Variants in SEMA5A observed in about 807,000 individuals in gnomAD.
The protein encoded by SEMA5A is semaphorin-5A.
Under a neutral mutation model 135.5 loss-of-function variants are expected in SEMA5A, and 55 were observed. That is an observed-to-expected ratio of 0.41 (90% CI 0.33 to 0.51). SEMA5A has a LOEUF of 0.51. Ranked by LOEUF, SEMA5A falls within the 20% of genes least tolerant of loss-of-function variation. SEMA5A has a pLI of 0.37. For missense variants in SEMA5A, 1,290 were observed against 1,419.9 expected, an observed-to-expected ratio of 0.91 and a Z score of 1.47; for synonymous variants, 580 against 546.5, an observed-to-expected ratio of 1.06 and a Z score of -0.85.
intron 2 of SEMA5A, among the ~76,000 whole-genome samples, chr5:9,393,141 G>C (rs1204804358): frequency 1.3e-5 from 2 of 152,160 alleles, no homozygotes; most frequent in Admixed American, 6.5e-5. Context: ...CTCCATGGTG[G>C]AAAAGTAACC....
At chr5:9,202,784 T>C (rs768675185) in intron 8 of SEMA5A, among the ~76,000 whole-genome samples, 5 of 152,174 alleles carry the variant, frequency 3.3e-5, no homozygotes, top group Non-Finnish European at 5.9e-5. Flanking sequence ...AAATAAAGAC[T>C]AAAACTATAA....
intron 11 of SEMA5A, among the ~76,000 whole-genome samples, chr5:9,173,715 T>C (rs1199047370): frequency 6.6e-6 from 1 of 152,176 alleles, no homozygotes; most frequent in East Asian, 1.9e-4. Flanking sequence ...ATTGGTATCA[T>C]TGCAAGAGGG....
At position 9,204,246 on chromosome 5, in the gene SEMA5A, C is replaced by G. The variant is rs772382725; in HGVS notation, c.647-2006G>C. Among the ~76,000 whole-genome samples the G allele has an allele frequency of 6.6e-6, 1 of 152,080 alleles. No individual in the cohort carries two copies. Among genetic ancestry groups the G allele is most frequent in the Non-Finnish European group, 1.5e-5 (1 of 68,016 alleles). ...GCAACCCTTCCTAAAATGTGGAAAA[C>G]AAAGAGAGAAGGCGTAAGGGTCCAA... On this transcript the variant is annotated intron_variant, in intron 8 of 22. Coordinates refer to ENST00000382496, the MANE Select transcript of SEMA5A (RefSeq NM_003966.3). This position sits in a 1 kb window ranked among gnomAD's most constrained non-coding sequence, Gnocchi z 6.4.
Position 9,384,571 on chromosome 5 carries a change from CATAGATAGATAGATAGATAG to C in SEMA5A, c.-77-4568_-77-4549del, listed in dbSNP as rs1170217920. On this transcript the variant is annotated intron_variant, in intron 2 of 22. Coordinates refer to ENST00000382496, the MANE Select transcript of SEMA5A (RefSeq NM_003966.3). ...AGATAGATAGATAGATAGATAGATA[CATAGATAGATAGATAGATAG>C]ATAGATAGATAGATAGATAGATAGA... Among the ~76,000 whole-genome samples the C allele has an allele frequency of 1.7e-3, 138 of 80,428 alleles. 6 individuals carry two copies. Among genetic ancestry groups the C allele is most frequent in the African/African-American group, 5.5e-3 (118 of 21,378 alleles). The allele number at this position is 80,428 out of a possible 152,430, so 52.8% of individuals were successfully genotyped here. A position where few individuals can be genotyped will look rare whatever the true frequency, so the allele number is the denominator to read the frequency against.
chr5:9,101,861 C>T (rs1739651302), intron 16 of SEMA5A, among the ~76,000 whole-genome samples: 1 of 152,134 alleles, frequency 6.6e-6, no homozygotes, highest in South Asian at 2.1e-4. Context: ...AGCAAATAAA[C>T]TTGGAAATGG....
At chr5:9,382,727 T>C (rs1198938582) in intron 2 of SEMA5A, among the ~76,000 whole-genome samples, 3 of 152,204 alleles carry the variant, frequency 2.0e-5, no homozygotes, top group Non-Finnish European at 2.9e-5. Context: ...TCTATGCATG[T>C]ATGAATTTGC....
intron 5 of SEMA5A, among the ~76,000 whole-genome samples, chr5:9,278,568 C>T (rs72727222): frequency 0.04 from 6,093 of 152,274 alleles, 166 homozygotes; most frequent in Non-Finnish European, 0.06. Context: ...CAGAGCATTT[C>T]AGAGACCTTC....
intron 2 of SEMA5A, among the ~76,000 whole-genome samples, chr5:9,391,641 CT>C (rs1756166049): frequency 1.3e-5 from 2 of 152,170 alleles, no homozygotes; most frequent in African/African-American, 4.8e-5. Flanking sequence ...TACCGCACCC[CT>C]GTCCCCTTCT....
intron 5 of SEMA5A, among the ~76,000 whole-genome samples, chr5:9,270,120 G>A (rs1232427276): frequency 6.6e-6 from 1 of 152,146 alleles, no homozygotes; most frequent in Non-Finnish European, 1.5e-5. Context: ...TCCAGGCAGA[G>A]AGGTCCTGTG....
At chr5:9,076,353 A>T (rs1029070888) in intron 16 of SEMA5A, among the ~76,000 whole-genome samples, 1 of 152,202 alleles carries the variant, frequency 6.6e-6, no homozygotes, top group African/African-American at 2.4e-5. Context: ...AGCCAAAAAA[A>T]GTTGATCACA....
chr5:9,279,833 A>G (rs1334142384), intron 5 of SEMA5A, among the ~76,000 whole-genome samples: 1 of 152,110 alleles, frequency 6.6e-6, no homozygotes, highest in Non-Finnish European at 1.5e-5. Context: ...GAGGCCTCCA[A>G]GCCATGCTTC....
At chr5:9,167,700 C>A (rs571505367) in intron 11 of SEMA5A, among the ~76,000 whole-genome samples, 83 of 152,168 alleles carry the variant, frequency 5.5e-4, no homozygotes, top group Non-Finnish European at 1.1e-3. Context: ...TTTCCAAAGT[C>A]TGTGTGCTTA....
chr5:9,123,152 G>A (rs1406969505), intron 13 of SEMA5A, among the ~76,000 whole-genome samples: 1 of 150,374 alleles, frequency 6.7e-6, no homozygotes, highest in East Asian at 2.0e-4. Flanking sequence ...TACTCAGGAG[G>A]CTGAGGCAGG....
chr5:9,225,642 A>G (rs918175397), intron 7 of SEMA5A, among the ~76,000 whole-genome samples: 3 of 152,042 alleles, frequency 2.0e-5, no homozygotes, highest in African/African-American at 7.2e-5. Flanking sequence ...AGCCCCAAAA[A>G]ATGTGTTCAC....
At position 9,476,537 on chromosome 5, in the gene SEMA5A, A is replaced by C. The variant is rs1363856862; in HGVS notation, c.-174-38685T>G. Among the ~76,000 whole-genome samples, 8 of 152,268 alleles carry C rather than the reference A, an allele frequency of 5.3e-5. 1 individual carries two copies. In the East Asian group the frequency reaches 1.5e-3, roughly 29 times the overall value. On this transcript the variant is annotated intron_variant, in intron 1 of 22. Transcript: ENST00000382496. ...GTACCAGGAGGGTTATGGCAAGAGC[A>C]ACAACCCTCTGAAGACAGGCTGGAT...
chr5:9,042,783 A>G lies in SEMA5A; in HGVS notation c.*114T>C. Reference sequence around the variant, plus strand: ...CAATGGGACACTCTGGTGGCTTGAAATGCACTTGAAATGTATCCAAACTTC... The same window carrying G: ...CAATGGGACACTCTGGTGGCTTGAAGTGCACTTGAAATGTATCCAAACTTC... On this transcript the variant is annotated 3_prime_UTR_variant, in exon 23 of 23. Transcript: ENST00000382496. The G allele has an allele frequency of 1.5e-6, 2 of 1,320,776 alleles. No homozygotes were observed. The highest frequency in any genetic ancestry group is 2.6e-5 in the South Asian group (2 of 77,102). 81.8% of individuals were successfully genotyped at this position (1,320,776 alleles called of 1,614,324 possible).
rs35243676 is a variant in SEMA5A at position 9,323,657 on chromosome 5, C to CTT, written c.225-5242_225-5241dup. On this transcript the variant is annotated intron_variant, in intron 4 of 22. Coordinates refer to ENST00000382496, the MANE Select transcript of SEMA5A (RefSeq NM_003966.3). ...GTGCTTTTAAATGTTTCTTTTTTTC[C>CTT]TTTTTTTTTTTTTTTTTTTTCTGAG... Among the ~76,000 whole-genome samples, 132 of 108,934 alleles carry CTT rather than the reference C, an allele frequency of 1.2e-3. 1 individual carries two copies. The highest frequency in any genetic ancestry group is 2.7e-3 in the East Asian group (10 of 3,714). 71.5% of individuals were successfully genotyped at this position (108,934 alleles called of 152,430 possible).
intron 9 of SEMA5A, among the ~76,000 whole-genome samples, chr5:9,201,557 A>G (rs1211690710): frequency 1.3e-5 from 2 of 152,264 alleles, no homozygotes; most frequent in African/African-American, 4.8e-5. Context: ...CAAAGATTTC[A>G]GATTCTCCAG....
chr5:9,134,632 T>C (rs1741629510), intron 13 of SEMA5A, among the ~76,000 whole-genome samples: 1 of 152,236 alleles, frequency 6.6e-6, no homozygotes, highest in Non-Finnish European at 1.5e-5. Context: ...TTACAGATAG[T>C]AATAATTACA....
Sources: gnomAD v4.1 joint callset for allele counts (sites outside exome capture counted in the v4.1 genomes callset) on GRCh38, gnomAD v4.1.1 for gene constraint, Gnocchi (gnomAD v3.1) non-coding constraint, MANE v1.5 for transcripts, NCBI Gene and HGNC (gene_info 2026-07-23, HGNC 2026-07-21) for gene names.